The following ADARB2 variants were observed in gnomAD, a reference collection of about 807,000 sequenced individuals.
The protein encoded by ADARB2 is adenosine deaminase RNA specific B2 (inactive).
ADARB2 carries 25 observed loss-of-function variants against 62.2 expected under a neutral mutation model. That is an observed-to-expected ratio of 0.40 (90% confidence interval 0.29 to 0.56). The LOEUF (loss-of-function observed/expected upper bound fraction) is 0.56, where lower values mean the gene tolerates loss of function less well. ADARB2 is among the 20% of genes least tolerant of loss of function. The pLI, the probability that ADARB2 is intolerant of heterozygous loss-of-function variation, is 0.43. For missense variants in ADARB2, 1,071 were observed against 1,077.4 expected (o/e 0.99, Z 0.08); for synonymous variants, 572 against 500.8 (o/e 1.14, Z -1.90).
intron 1 of ADARB2, among the ~76,000 whole-genome samples, chr10:1,708,258 GT>G (rs1242581643): frequency 2.0e-5 from 3 of 152,130 alleles, no homozygotes; most frequent in African/African-American, 7.2e-5. Context: ...TGCAGGAGAG[GT>G]GAGAAGATCA....
intron 1 of ADARB2, among the ~76,000 whole-genome samples, chr10:1,545,197 T>G (rs1354644597): frequency 6.6e-6 from 1 of 152,184 alleles, no homozygotes; most frequent in Non-Finnish European, 1.5e-5. Flanking sequence ...CATGGCTCCA[T>G]GCTTCCTAAC....
At chr10:1,584,117 A>G (rs938854179) in intron 1 of ADARB2, among the ~76,000 whole-genome samples, 24 of 152,234 alleles carry the variant, frequency 1.6e-4, no homozygotes, top group African/African-American at 5.3e-4. Context: ...GAAACAATCC[A>G]TAAAAACAAA....
intron 1 of ADARB2, among the ~76,000 whole-genome samples, chr10:1,615,811 CA>C (rs1833624240): frequency 3.9e-5 from 6 of 152,218 alleles, no homozygotes; most frequent in African/African-American, 1.2e-4. Context: ...TCCTGAATAC[CA>C]CAGTCCCTCC....
chr10:1,576,517 C>T (rs950419965), intron 1 of ADARB2, among the ~76,000 whole-genome samples: 4 of 152,088 alleles, frequency 2.6e-5, no homozygotes, highest in Non-Finnish European at 5.9e-5. Flanking sequence ...TGGCAGGAGC[C>T]GAGAGGACTG....
intron 3 of ADARB2, among the ~76,000 whole-genome samples, chr10:1,313,313 G>A (rs571585007): frequency 2.6e-5 from 4 of 152,302 alleles, no homozygotes; most frequent in African/African-American, 4.8e-5. Flanking sequence ...GTCCCCCATC[G>A]CCACTCCTTG....
At chr10:1,427,969 T>C (rs10903446) in intron 1 of ADARB2, among the ~76,000 whole-genome samples, 80,744 of 150,498 alleles carry the variant, frequency 0.54, 23,881 homozygotes, top group Non-Finnish European at 0.69. Flanking sequence ...CAGTCCCATT[T>C]TTTTTTTTTT....
chr10:1,695,157 G>T (rs1834723579), intron 1 of ADARB2, among the ~76,000 whole-genome samples: 1 of 152,170 alleles, frequency 6.6e-6, no homozygotes, highest in Admixed American at 6.5e-5. Flanking sequence ...CAGATGGTCA[G>T]GTCACTTCTT....
At chr10:1,575,001 T>TGGGCAGCAACATTGTAACAGGTAACA in intron 1 of ADARB2, among the ~76,000 whole-genome samples, 2 of 152,248 alleles carry the variant, frequency 1.3e-5, no homozygotes, top group Non-Finnish European at 2.9e-5. Flanking sequence ...AGAGAAACCA[T>TGGGCAGCAACATTGTAACAGGTAACA]GGGCAGCAAC....
chr10:1,212,842 C>G (rs1321631885), intron 7 of ADARB2, among the ~76,000 whole-genome samples: 1 of 151,970 alleles, frequency 6.6e-6, no homozygotes, highest in African/African-American at 2.4e-5. Context: ...GTGGCAGGCA[C>G]CCTGCAGCCA....
chr10:1,451,997 T>C (rs774036120), intron 1 of ADARB2, among the ~76,000 whole-genome samples: 15 of 152,200 alleles, frequency 9.9e-5, no homozygotes, highest in Non-Finnish European at 2.2e-4. Context: ...AAGGACAGCC[T>C]TATGAACGGT....
At chr10:1,615,338 C>T (rs1833618100) in intron 1 of ADARB2, among the ~76,000 whole-genome samples, 1 of 152,198 alleles carries the variant, frequency 6.6e-6, no homozygotes, top group Non-Finnish European at 1.5e-5. Context: ...GCCTGCCCCT[C>T]CCCAGAGAAG....
At chr10:1,400,707 G>A (rs1588244739) in intron 1 of ADARB2, among the ~76,000 whole-genome samples, 2 of 152,310 alleles carry the variant, frequency 1.3e-5, no homozygotes, top group South Asian at 4.1e-4. Context: ...TGCCCGGGAC[G>A]AGATGGCACT....
chr10:1,736,301 A>G (rs1835299549), intron 1 of ADARB2, among the ~76,000 whole-genome samples: 1 of 152,184 alleles, frequency 6.6e-6, no homozygotes, highest in African/African-American at 2.4e-5. Context: ...CCAGTGTGAA[A>G]GCCCTCCCTT....
intron 3 of ADARB2, among the ~76,000 whole-genome samples, chr10:1,284,116 A>G (rs1339559529): frequency 2.0e-5 from 3 of 152,174 alleles, no homozygotes; most frequent in Non-Finnish European, 4.4e-5. Context: ...ATATTTATGG[A>G]ATGCTTCTCA....
chr10:1,399,064 T>A (rs139478055), intron 1 of ADARB2, among the ~76,000 whole-genome samples: 113 of 152,298 alleles, frequency 7.4e-4, no homozygotes, highest in African/African-American at 2.6e-3. Context: ...ACATGGAATG[T>A]AGGAAACACG....
At chr10:1,339,140 C>G (rs535011393) in intron 3 of ADARB2, among the ~76,000 whole-genome samples, 1 of 152,362 alleles carries the variant, frequency 6.6e-6, no homozygotes, top group South Asian at 2.1e-4. Context: ...ACGCCCTGTG[C>G]TGAGCCGAGA....
intron 5 of ADARB2, among the ~76,000 whole-genome samples, chr10:1,241,263 A>G (rs1223737267): frequency 2.0e-5 from 3 of 151,962 alleles, no homozygotes; most frequent in Non-Finnish European, 4.4e-5. Context: ...CATCTCAAAA[A>G]AAAAGAATGA....
intron 1 of ADARB2, among the ~76,000 whole-genome samples, chr10:1,604,224 C>T (rs971228383): frequency 6.6e-6 from 1 of 152,132 alleles, no homozygotes; most frequent in African/African-American, 2.4e-5. Flanking sequence ...AATTCTAGCT[C>T]TCAAGGAATG....
intron 1 of ADARB2, among the ~76,000 whole-genome samples, chr10:1,482,296 G>A (rs73580358): frequency 0.014 from 2,183 of 152,280 alleles, 59 homozygotes; most frequent in African/African-American, 0.05. Context: ...ACACAATAGC[G>A]TTATTCACAA....
Sources: gnomAD v4.1 joint callset for allele counts (sites outside exome capture counted in the v4.1 genomes callset) on GRCh38, gnomAD v4.1.1 for gene constraint, MANE v1.5 for transcripts, NCBI Gene and HGNC (gene_info 2026-07-23, HGNC 2026-07-21) for gene names.